Variants in HEPH observed in about 807,000 individuals in gnomAD.
HEPH encodes the protein hephaestin.
In HEPH, 69 loss-of-function variants were observed where a neutral mutation model predicts 80.8. That is an observed-to-expected ratio of 0.85 (90% confidence interval 0.70 to 1.04). HEPH has a LOEUF of 1.04. Ranked by LOEUF, HEPH falls within the 50% of genes least tolerant of loss-of-function variation. HEPH has a pLI of 0.00. For missense variants in HEPH, 1,115 were observed against 891.3 expected (o/e 1.25, Z -3.20); for synonymous variants, 431 against 322.8 (o/e 1.34, Z -3.60).
Position 66,266,722 on chromosome X carries a change from C to A in HEPH, c.*50C>A. 1 of 922,725 alleles carries A rather than the reference C, an allele frequency of 1.1e-6. No homozygotes were observed. 76.0% of individuals were successfully genotyped at this position (922,725 alleles called of 1,213,427 possible). ...AGGAAGCACATCTGTAGTGCACTCC[C>A]AGCAGGCCATGGACTAGTCACTAAC... On this transcript the variant is annotated 3_prime_UTR_variant, in exon 21 of 21. Coordinates refer to ENST00000343002, the MANE Select transcript of HEPH (RefSeq NM_001367233.3).
upstream of HEPH, chrX:66,162,856 C>T (rs1227910099): frequency 8.7e-7 from 1 of 1,154,603 alleles, no homozygotes; most frequent in East Asian, 3.3e-5. Context: ...CTGCTCCTAG[C>T]CAAGATCTCC....
At chrX:66,189,053 G>T (rs1303551267) in intron 5 of HEPH, among the ~76,000 whole-genome samples, 1 of 112,145 alleles carries the variant, frequency 8.9e-6, no homozygotes, top group Non-Finnish European at 1.9e-5. Context: ...GAAACTAAAG[G>T]CACAGAAGAA....
At chrX:66,206,337 A>ATTTTTTTTTTTTTTTTTTTTTTTT in intron 13 of HEPH, among the ~76,000 whole-genome samples, 1 of 22,892 alleles carries the variant, frequency 4.4e-5, no homozygotes, top group African/African-American at 9.7e-5. Flanking sequence ...GAAACCTGCC[A>ATTTTTTTTTTTTTTTTTTTTTTTT]TCTTTTTTTT....
At chrX:66,198,557 C>T (rs2147773159) in intron 10 of HEPH, among the ~76,000 whole-genome samples, 1 of 110,954 alleles carries the variant, frequency 9.0e-6, no homozygotes, top group African/African-American at 3.3e-5. Context: ...TAGCCACCTC[C>T]CCTCATTCCT....
intron 15 of HEPH, among the ~76,000 whole-genome samples, chrX:66,212,797 G>A (rs2089198890): frequency 9.1e-6 from 1 of 110,357 alleles, no homozygotes; most frequent in African/African-American, 3.3e-5. Flanking sequence ...GCTCAGGACT[G>A]CTTTGGCTAT....
chrX:66,237,523 G>A (rs2090409886), intron 15 of HEPH, among the ~76,000 whole-genome samples: 1 of 111,895 alleles, frequency 8.9e-6, no homozygotes, highest in South Asian at 3.7e-4. Flanking sequence ...TTTTGCATTT[G>A]CTTAGCAGTA....
intron 15 of HEPH, among the ~76,000 whole-genome samples, chrX:66,245,247 G>T (rs1356416534): frequency 1.8e-5 from 2 of 111,141 alleles, no homozygotes; most frequent in African/African-American, 3.3e-5. Flanking sequence ...CTCATGTGCA[G>T]AGACACACAT....
intron 4 of HEPH, among the ~76,000 whole-genome samples, chrX:66,176,358 A>G (rs1462579141): frequency 9.0e-6 from 1 of 111,682 alleles, no homozygotes; most frequent in Non-Finnish European, 1.9e-5. Context: ...TTCCTTTCAT[A>G]TGCATCAAGT....
chrX:66,267,485 G>T (rs1470892861), downstream of HEPH: 1 of 111,985 alleles, frequency 8.9e-6, no homozygotes, highest in Non-Finnish European at 1.9e-5. Flanking sequence ...GTATGTATTT[G>T]TCTAGCCTTT....
chrX:66,240,483 A>G (rs1305900308), intron 15 of HEPH, among the ~76,000 whole-genome samples: 1 of 105,550 alleles, frequency 9.5e-6, no homozygotes, highest in Non-Finnish European at 1.9e-5. Context: ...TAAACCACAG[A>G]CTCAAAAAAC....
intron 15 of HEPH, among the ~76,000 whole-genome samples, chrX:66,245,902 A>T (rs188313575): frequency 9.0e-6 from 1 of 111,325 alleles, no homozygotes; most frequent in Non-Finnish European, 1.9e-5. Flanking sequence ...TGTTTAAATA[A>T]CTCCCTCTGA....
At position 66,170,619 on chromosome X, in the gene HEPH, T is replaced by C. The variant is rs140969599; in HGVS notation, c.49T>C (p.Trp17Arg). 7.4e-6 allele frequency: 9 copies of C among 1,208,547 alleles called. No individual in the cohort carries two copies. The highest frequency in any genetic ancestry group is 8.9e-6 in the Non-Finnish European group (8 of 894,293). Residue 17 changes from tryptophan to arginine, a missense_variant, in exon 2 of 21, where the codon TGG (tryptophan) becomes CGG (arginine). By Grantham distance (101) the Trp-to-Arg change is moderately radical (BLOSUM62 -3). Transcript: ENST00000343002. The part of the protein sequence containing the change: ...LWALLFMQSL[W>R]PQLTDGATRV... The stretch of plus-strand genomic sequence containing the variant: ...GGCTCTGCTGTTCATGCAGTCCTTG[T>C]GGCCTCAACTGACTGATGGAGCCAC...
chrX:66,231,199 G>A (rs1270215863), intron 15 of HEPH, among the ~76,000 whole-genome samples: 4 of 109,171 alleles, frequency 3.7e-5, no homozygotes, highest in Admixed American at 9.8e-5. Flanking sequence ...ATAGTTTGAA[G>A]TCAGGTAGTG....
chrX:66,208,764 C>T (rs1474382875), intron 15 of HEPH, among the ~76,000 whole-genome samples: 4 of 101,961 alleles, frequency 3.9e-5, no homozygotes, highest in South Asian at 4.8e-4. Flanking sequence ...TCTCAATCCC[C>T]GAATAGGCTA....
rs1256396063 is a variant in HEPH at position 66,208,251 on chromosome X, G to A, written c.2563+5G>A. ...GGCCACTGGCTGCTGAGCCTGGTGAGTGGGGACACTTAGTGAAAGAACAAA... is the reference window on the plus strand; with the variant it reads ...GGCCACTGGCTGCTGAGCCTGGTGAATGGGGACACTTAGTGAAAGAACAAA... On this transcript the variant is annotated splice_donor_5th_base_variant and intron_variant, in intron 15 of 20. Coordinates refer to ENST00000343002, the MANE Select transcript of HEPH (RefSeq NM_001367233.3). The A allele has an allele frequency of 8.3e-7, 1 of 1,202,615 alleles. No homozygotes were observed. The highest frequency in any genetic ancestry group is 1.8e-5 in the South Asian group (1 of 54,808).
chrX:66,179,530 C>G (rs1444706159), intron 4 of HEPH, among the ~76,000 whole-genome samples: 2 of 111,353 alleles, frequency 1.8e-5, no homozygotes, highest in African/African-American at 6.5e-5. Flanking sequence ...TATAAATTAC[C>G]TTGGGCAGTA....
At chrX:66,169,130 T>C (rs766657865) in intron 1 of HEPH, among the ~76,000 whole-genome samples, 1 of 111,666 alleles carries the variant, frequency 9.0e-6, no homozygotes, top group East Asian at 2.8e-4. Flanking sequence ...CAAACTGCTT[T>C]ACACCTCTCT....
intron 15 of HEPH, among the ~76,000 whole-genome samples, chrX:66,209,778 A>T (rs2089011982): frequency 8.9e-6 from 1 of 112,054 alleles, no homozygotes; most frequent in African/African-American, 3.2e-5. Context: ...GATGCCATTC[A>T]TCAAGATAGG....
At chrX:66,205,082 C>T (rs1163490614) in intron 13 of HEPH, among the ~76,000 whole-genome samples, 1 of 111,499 alleles carries the variant, frequency 9.0e-6, no homozygotes, top group Admixed American at 9.5e-5. Context: ...CCCTCCTCCC[C>T]CTTTAGTAAT....
Sources: gnomAD v4.1 joint callset for allele counts (sites outside exome capture counted in the v4.1 genomes callset) on GRCh38, gnomAD v4.1.1 for gene constraint, MANE v1.5 for transcripts, NCBI Gene and HGNC (gene_info 2026-07-23, HGNC 2026-07-21) for gene names.